HTR1F: variants seen among roughly 807,000 people sequenced by gnomAD.
The protein encoded by HTR1F is 5-hydroxytryptamine (serotonin) receptor 1F, G protein-coupled.
In HTR1F, 17 loss-of-function variants were observed where a neutral mutation model predicts 24.0. The ratio of observed to expected loss-of-function variants is 0.71; its 90% CI spans 0.48 to 1.06. The LOEUF is 1.06. HTR1F is among the 50% of genes least tolerant of loss of function. HTR1F has a pLI of 0.00. For missense variants in HTR1F, 391 were observed against 427.8 expected (o/e 0.91, Z 0.76); for synonymous variants, 186 against 156.8 (o/e 1.19, Z -1.39).
At chr3:87,982,461 T>C (rs955880207) in intron 2 of HTR1F, among the ~76,000 whole-genome samples, 24 of 152,166 alleles carry the variant, frequency 1.6e-4, no homozygotes, top group African/African-American at 5.6e-4. Context: ...CACAAAGTTT[T>C]GAAGAAAACT....
At chr3:87,942,249 T>C (rs574700378) in intron 2 of HTR1F, among the ~76,000 whole-genome samples, 1 of 152,220 alleles carries the variant, frequency 6.6e-6, no homozygotes, top group South Asian at 2.1e-4. Flanking sequence ...AAGAGTAAAG[T>C]TCCCCAGTCA....
intron 1 of HTR1F, among the ~76,000 whole-genome samples, chr3:87,799,968 A>G (rs1460352208): frequency 1.3e-5 from 2 of 152,188 alleles, no homozygotes; most frequent in Non-Finnish European, 2.9e-5. Context: ...GTTTTTCTCC[A>G]GACTCAGCCA....
intron 2 of HTR1F, among the ~76,000 whole-genome samples, chr3:87,917,345 GA>G (rs953037207): frequency 4.2e-5 from 6 of 142,730 alleles, no homozygotes; most frequent in African/African-American, 1.3e-4. Context: ...CAGAAGAATG[GA>G]AATAACCAAG....
At chr3:87,919,228 T>C (rs1392834765) in intron 2 of HTR1F, among the ~76,000 whole-genome samples, 1 of 152,148 alleles carries the variant, frequency 6.6e-6, no homozygotes, top group Non-Finnish European at 1.5e-5. Flanking sequence ...TCATTCAAGA[T>C]GGATTAAGGA....
intron 2 of HTR1F, among the ~76,000 whole-genome samples, chr3:87,905,246 G>T (rs1165642361): frequency 6.6e-6 from 1 of 151,864 alleles, no homozygotes; most frequent in Non-Finnish European, 1.5e-5. Context: ...GGAGTTCAAG[G>T]CTGCAGTGAG....
intron 1 of HTR1F, among the ~76,000 whole-genome samples, chr3:87,809,231 T>C (rs535913877): frequency 6.6e-6 from 1 of 151,942 alleles, no homozygotes; most frequent in African/African-American, 2.4e-5. Flanking sequence ...CTCAGCAATA[T>C]TGTTTCTGCT....
chr3:87,869,408 G>C (rs990352), intron 2 of HTR1F, among the ~76,000 whole-genome samples: 2 of 130,778 alleles, frequency 1.5e-5, no homozygotes, highest in African/African-American at 7.7e-5. Flanking sequence ...TAGATAGATA[G>C]ATAGATAGAT....
At chr3:87,870,670 G>A (rs749355553) in intron 2 of HTR1F, among the ~76,000 whole-genome samples, 4 of 152,040 alleles carry the variant, frequency 2.6e-5, no homozygotes, top group Non-Finnish European at 5.9e-5. Context: ...AGCAGTGATG[G>A]AGATATAGCA....
chr3:87,931,837 A>G (rs1343911055), intron 2 of HTR1F, among the ~76,000 whole-genome samples: 1 of 149,618 alleles, frequency 6.7e-6, no homozygotes, highest in East Asian at 1.9e-4. Context: ...TTGGCTGCAT[A>G]AATGTCTTCT....
intron 2 of HTR1F, among the ~76,000 whole-genome samples, chr3:87,869,430 TAGATACATA>T (rs1191690654): frequency 5.0e-5 from 7 of 139,052 alleles, no homozygotes; most frequent in African/African-American, 1.1e-4. Flanking sequence ...GATAGATAGA[TAGATACATA>T]GATAGATAGA....
chr3:87,887,986 T>C (rs550234707), intron 2 of HTR1F, among the ~76,000 whole-genome samples: 1 of 152,302 alleles, frequency 6.6e-6, no homozygotes, highest in East Asian at 1.9e-4. Flanking sequence ...CCCAAAGGAT[T>C]ATAAATCAGG....
intron 2 of HTR1F, among the ~76,000 whole-genome samples, chr3:87,918,639 TA>T (rs1703946445): frequency 6.6e-6 from 1 of 151,462 alleles, no homozygotes; most frequent in Non-Finnish European, 1.5e-5. Context: ...GCAAAAAACA[TA>T]AAATACTTAG....
At chr3:87,902,604 T>C (rs1706351274) in intron 2 of HTR1F, among the ~76,000 whole-genome samples, 1 of 152,080 alleles carries the variant, frequency 6.6e-6, no homozygotes, top group Non-Finnish European at 1.5e-5. Flanking sequence ...TTTTTTATTT[T>C]ATCATTATTA....
chr3:87,906,840 T>C (rs764777850), intron 2 of HTR1F, among the ~76,000 whole-genome samples: 1 of 152,064 alleles, frequency 6.6e-6, no homozygotes, highest in African/African-American at 2.4e-5. Flanking sequence ...CCCAGTTCCA[T>C]CCAGGTTGCT....
intron 2 of HTR1F, among the ~76,000 whole-genome samples, chr3:87,941,504 G>C (rs1185706891): frequency 6.6e-6 from 1 of 152,158 alleles, no homozygotes; most frequent in Non-Finnish European, 1.5e-5. Flanking sequence ...GATGGCACAA[G>C]GTTTCTGAAC....
intron 2 of HTR1F, among the ~76,000 whole-genome samples, chr3:87,918,082 A>G (rs1576028034): frequency 1.3e-5 from 2 of 151,946 alleles, no homozygotes; most frequent in Admixed American, 6.6e-5. Context: ...GTCAATAAAT[A>G]TGATATACCA....
chr3:87,967,514 C>G (rs1705192476), intron 2 of HTR1F, among the ~76,000 whole-genome samples: 1 of 151,732 alleles, frequency 6.6e-6, no homozygotes, highest in South Asian at 2.1e-4. Context: ...CTGTGCCCAC[C>G]CAAACCTCAA....
intron 2 of HTR1F, among the ~76,000 whole-genome samples, chr3:87,863,153 G>A (rs2171819): frequency 0.12 from 18,112 of 152,142 alleles, 1,357 homozygotes; most frequent in African/African-American, 0.21. Context: ...TTATATGAAT[G>A]AATTTTATGA....
At chr3:87,852,755 G>A (rs542086830) in intron 2 of HTR1F, among the ~76,000 whole-genome samples, 1 of 151,708 alleles carries the variant, frequency 6.6e-6, no homozygotes, top group Non-Finnish European at 1.5e-5. Context: ...CTTCTTTTCA[G>A]TGTTCACTTG....
Sources: gnomAD v4.1 joint callset for allele counts (sites outside exome capture counted in the v4.1 genomes callset) on GRCh38, gnomAD v4.1.1 for gene constraint, MANE v1.5 for transcripts, NCBI Gene and HGNC (gene_info 2026-07-23, HGNC 2026-07-21) for gene names.